Variants in PCDH9 observed in about 807,000 individuals in gnomAD.
PCDH9 encodes the protein protocadherin-9.
Under a neutral mutation model 70.6 loss-of-function variants are expected in PCDH9, and 24 were observed. The observed-to-expected ratio is 0.34, with a 90% CI of 0.25 to 0.48. The LOEUF (loss-of-function observed/expected upper bound fraction) is 0.48, where lower values mean the gene tolerates loss of function less well. Among genes scored for constraint, PCDH9 ranks in the 20% least tolerant of loss-of-function variants. The probability of loss-of-function intolerance (pLI) is 0.99; values close to 1 mark genes in which losing one functional copy is unlikely to be tolerated. For synonymous variants in PCDH9, 562 were observed against 558.5 expected (o/e 1.01, Z -0.09); for missense variants, 1,281 against 1,503.6 (o/e 0.85, Z 2.45).
chr13:67,011,624 C>A (rs2084453259), intron 2 of PCDH9, among the ~76,000 whole-genome samples: 1 of 151,720 alleles, frequency 6.6e-6, no homozygotes. Flanking sequence ...TGTAATAGGA[C>A]CTGAGGCATT....
chr13:67,035,740 C>G (rs2084996571), intron 2 of PCDH9, among the ~76,000 whole-genome samples: 1 of 151,918 alleles, frequency 6.6e-6, no homozygotes, highest in South Asian at 2.1e-4. Flanking sequence ...ATTCAAAAAG[C>G]TGAAAAGATA....
At chr13:67,206,223 T>A (rs1276554307) in intron 2 of PCDH9, 2 of 152,362 alleles carry the variant, frequency 1.3e-5, no homozygotes, top group Non-Finnish European at 2.9e-5. Context: ...TGGAGTGCAG[T>A]GGCATGATCT....
chr13:67,093,312 G>T (rs1478561375), intron 2 of PCDH9, among the ~76,000 whole-genome samples: 1 of 151,918 alleles, frequency 6.6e-6, no homozygotes, highest in Non-Finnish European at 1.5e-5. Context: ...AAAATTAGCT[G>T]GACATGGTAG....
intron 3 of PCDH9, among the ~76,000 whole-genome samples, chr13:66,869,377 T>G (rs2081631559): frequency 6.6e-6 from 1 of 152,150 alleles, no homozygotes; most frequent in Non-Finnish European, 1.5e-5. Context: ...TGTTTTATTT[T>G]TGCAACCCTT....
intron 2 of PCDH9, chr13:67,207,378 T>C (rs183704437): frequency 6.6e-6 from 1 of 152,306 alleles, no homozygotes; most frequent in Non-Finnish European, 1.5e-5. Flanking sequence ...ACTAGAACTG[T>C]GACCTGAAGC....
At chr13:66,991,117 T>C (rs1342381665) in intron 2 of PCDH9, 1 of 152,082 alleles carries the variant, frequency 6.6e-6, no homozygotes, top group African/African-American at 2.4e-5. Flanking sequence ...ATTTTCTTGT[T>C]ATTTTTCTGT....
At chr13:66,763,179 T>A (rs1301699762) in intron 3 of PCDH9, among the ~76,000 whole-genome samples, 1 of 151,854 alleles carries the variant, frequency 6.6e-6, no homozygotes, top group African/African-American at 2.4e-5. Flanking sequence ...TATATATGAA[T>A]TTTATAAAAT....
intron 2 of PCDH9, among the ~76,000 whole-genome samples, chr13:67,051,772 T>G (rs1231721186): frequency 6.6e-6 from 1 of 152,102 alleles, no homozygotes; most frequent in Non-Finnish European, 1.5e-5. Flanking sequence ...TGACTTTCAG[T>G]TTCTCTCTTT....
intron 2 of PCDH9, among the ~76,000 whole-genome samples, chr13:67,052,903 G>C (rs536916886): frequency 6.6e-6 from 1 of 152,184 alleles, no homozygotes; most frequent in Admixed American, 6.5e-5. Context: ...TAGAAAGAAT[G>C]AATTTGATGT....
intron 2 of PCDH9, among the ~76,000 whole-genome samples, chr13:66,944,781 T>C (rs2083060084): frequency 6.6e-6 from 1 of 151,492 alleles, no homozygotes; most frequent in African/African-American, 2.4e-5. Flanking sequence ...GATACCTATT[T>C]CTGGTGCACA....
At chr13:66,589,046 C>A (rs534806911) in intron 4 of PCDH9, among the ~76,000 whole-genome samples, 8 of 152,084 alleles carry the variant, frequency 5.3e-5, no homozygotes, top group South Asian at 4.2e-4. Context: ...TTTACCTAAG[C>A]CAAAATGTTG....
intron 2 of PCDH9, among the ~76,000 whole-genome samples, chr13:67,195,196 A>C (rs549814885): frequency 5.2e-4 from 78 of 149,758 alleles, no homozygotes; most frequent in African/African-American, 1.9e-3. Flanking sequence ...CCCAGGCTGG[A>C]GTTCAGTGGC....
chr13:66,666,308 A>G (rs1247164085), intron 3 of PCDH9, among the ~76,000 whole-genome samples: 1 of 152,184 alleles, frequency 6.6e-6, no homozygotes, highest in Non-Finnish European at 1.5e-5. Context: ...CAGCAAGGGA[A>G]GTCCTGGTGC....
At chr13:66,521,263 G>A (rs1959972949) in intron 4 of PCDH9, among the ~76,000 whole-genome samples, 2 of 152,018 alleles carry the variant, frequency 1.3e-5, no homozygotes, top group South Asian at 2.1e-4. Flanking sequence ...TGAGTAATGT[G>A]GTTAGAAACA....
intron 2 of PCDH9, among the ~76,000 whole-genome samples, chr13:67,031,016 A>G (rs1298686075): frequency 6.6e-6 from 1 of 152,194 alleles, no homozygotes; most frequent in Non-Finnish European, 1.5e-5. Context: ...TGAGAGTAAA[A>G]TAAAGAAAAG....
At chr13:66,576,057 C>T (rs969302216) in intron 4 of PCDH9, among the ~76,000 whole-genome samples, 2 of 146,350 alleles carry the variant, frequency 1.4e-5, no homozygotes, top group Admixed American at 1.4e-4. Context: ...TATCATAAAA[C>T]ATCACAGCAG....
chr13:66,462,457 G>A (rs148939436), intron 4 of PCDH9, among the ~76,000 whole-genome samples: 11 of 151,810 alleles, frequency 7.2e-5, no homozygotes, highest in South Asian at 4.1e-4. Flanking sequence ...GAAAGATCAC[G>A]GGAGCTAAAT....
At chr13:66,452,937 T>A (rs942949343) in intron 4 of PCDH9, among the ~76,000 whole-genome samples, 1 of 152,038 alleles carries the variant, frequency 6.6e-6, no homozygotes, top group Non-Finnish European at 1.5e-5. Context: ...CATCCATCTA[T>A]CCATCCATCC....
In PCDH9 at chr13:66,602,367, C is replaced by T. The variant is rs142254436; in HGVS notation, c.3340+28843G>A. 3.6e-4 allele frequency among the ~76,000 whole-genome samples: 52 copies of T among 145,926 alleles called. 3 individuals carry two copies. The highest frequency in any genetic ancestry group is 1.2e-3 in the African/African-American group (50 of 40,540). Reference sequence around the variant, plus strand: ...TATTATAGGAGATAACAGCTCCATACATGTTATTGCCTCTGAAGACCTTGC... The same window carrying T: ...TATTATAGGAGATAACAGCTCCATATATGTTATTGCCTCTGAAGACCTTGC... On this transcript the variant is annotated intron_variant, in intron 4 of 4. Transcript: ENST00000377865.
Sources: allele counts gnomAD v4.1 joint callset (sites outside exome capture counted in the v4.1 genomes callset), GRCh38; gene constraint gnomAD v4.1.1; transcripts MANE v1.5; gene names NCBI Gene and HGNC (gene_info 2026-07-23, HGNC 2026-07-21).